The following UBE2J1 variants were observed in gnomAD, a reference collection of about 807,000 sequenced individuals.
UBE2J1 encodes ubiquitin-conjugating enzyme E2 J1.
UBE2J1 carries 17 observed loss-of-function variants against 42.1 expected under a neutral mutation model. The observed-to-expected ratio is 0.40, with a 90% CI of 0.28 to 0.61. UBE2J1 has a LOEUF of 0.61. Ranked by LOEUF, UBE2J1 falls within the 20% of genes least tolerant of loss-of-function variation. The pLI is 0.38. For missense variants in UBE2J1, 291 were observed against 389.4 expected (o/e 0.75, Z 2.13); for synonymous variants, 127 against 137.2 (o/e 0.93, Z 0.52).
intron 5 of UBE2J1, among the ~76,000 whole-genome samples, chr6:89,335,638 A>T (rs1768093825): frequency 6.6e-6 from 1 of 152,200 alleles, no homozygotes; most frequent in East Asian, 1.9e-4. Context: ...CTTTAAAAAA[A>T]TCCAGGGCTC....
chr6:89,327,766 T>C lies in UBE2J1; in HGVS notation c.*1913A>G, dbSNP rs1767935415. The stretch of plus-strand genomic sequence containing the variant: ...CATCGATCCAGAGGCTGGCTCAAGT[T>C]TGACTGAGGGGAAACGGAGGGAAGG... On this transcript the variant is annotated 3_prime_UTR_variant, in exon 8 of 8. Transcript: ENST00000435041. 6.6e-6 allele frequency: 1 copy of C among 152,162 alleles called. No individual in the cohort carries two copies. Among genetic ancestry groups the C allele is most frequent in the Middle Eastern group, 3.2e-3 (1 of 316 alleles). The allele number at this position is 152,162 out of a possible 1,614,324, so 9.4% of individuals were successfully genotyped here.
chr6:89,348,576 TG>T (rs769223403), intron 1 of UBE2J1, among the ~76,000 whole-genome samples: 3 of 152,156 alleles, frequency 2.0e-5, no homozygotes, highest in Non-Finnish European at 4.4e-5. Context: ...TACAGAGTGA[TG>T]TTTCTGCCCA....
intron 6 of UBE2J1, among the ~76,000 whole-genome samples, chr6:89,334,013 TA>T (rs1421918774): frequency 1.3e-5 from 2 of 152,222 alleles, no homozygotes; most frequent in African/African-American, 4.8e-5. Flanking sequence ...TATTTATTTA[TA>T]TTTTTTTGAG....
intron 3 of UBE2J1, among the ~76,000 whole-genome samples, chr6:89,341,499 G>A (rs1768245660): frequency 6.6e-6 from 1 of 152,192 alleles, no homozygotes; most frequent in South Asian, 2.1e-4. Context: ...CACTTTGGGA[G>A]GCTGAGATGG....
At chr6:89,333,494 T>G (rs1768048136) in intron 6 of UBE2J1, among the ~76,000 whole-genome samples, 1 of 152,180 alleles carries the variant, frequency 6.6e-6, no homozygotes, top group Middle Eastern at 3.2e-3. Context: ...ACTCAAGGTT[T>G]TTTTGGTAAT....
Position 89,348,586 on chromosome 6 carries a change from C to T in UBE2J1, c.31+3953G>A, listed in dbSNP as rs9451207. On this transcript the variant is annotated intron_variant, in intron 1 of 7. Coordinates refer to ENST00000435041, the MANE Select transcript of UBE2J1 (RefSeq NM_016021.3). Reference sequence around the variant, plus strand: ...ATGCCTACAGAGTGATGTTTCTGCCCAGGAGGACCCTGCAAATGTATCAGT... The same window carrying T: ...ATGCCTACAGAGTGATGTTTCTGCCTAGGAGGACCCTGCAAATGTATCAGT... Among the ~76,000 whole-genome samples the T allele has an allele frequency of 7.3e-3, 1,105 of 152,268 alleles. 16 individuals are homozygous for T. Among genetic ancestry groups the T allele is most frequent in the African/African-American group, 0.025 (1,049 of 41,548 alleles).
chr6:89,343,434 CAAAAAAAAAAAA>C (rs58981898), intron 2 of UBE2J1, among the ~76,000 whole-genome samples: 2 of 81,036 alleles, frequency 2.5e-5, no homozygotes, highest in Admixed American at 1.3e-4. Context: ...GACTCCGCCT[CAAAAAAAAAAAA>C]AAAAAAAAAA....
chr6:89,341,414 A>G (rs1768244275), intron 3 of UBE2J1, among the ~76,000 whole-genome samples: 1 of 152,178 alleles, frequency 6.6e-6, no homozygotes, highest in Non-Finnish European at 1.5e-5. Flanking sequence ...GAGAGAAGAA[A>G]AGCTTAACAA....
intron 7 of UBE2J1, among the ~76,000 whole-genome samples, chr6:89,330,235 C>G (rs1582477645): frequency 6.6e-6 from 1 of 152,122 alleles, no homozygotes; most frequent in East Asian, 1.9e-4. Flanking sequence ...TATTTTAACA[C>G]ATACGCTTAA....
chr6:89,343,945 T>G (rs1768309470), intron 1 of UBE2J1, among the ~76,000 whole-genome samples, 189 bp from the exon 2 acceptor site: 1 of 152,172 alleles, frequency 6.6e-6, no homozygotes, highest in Non-Finnish European at 1.5e-5. Context: ...GCATTAACAC[T>G]TTAAAAGAGT....
rs764981521 is a variant in UBE2J1 at position 89,329,837 on chromosome 6, T to C, written c.799A>G (p.Thr267Ala). The part of the protein sequence containing the change: ...AQQQSQRRLS[T>A]SPDVIQGHQP... ...TGGCCCTGGATTACATCTGGTGAAG[T>C]AGACAACCTTCTCTGACTCTGCTGC... The change falls in exon 8 of 8, where the codon ACT (threonine) becomes GCT (alanine). Residue 267 changes from threonine to alanine, a missense_variant. This residue lies in a region of UBE2J1 where 176 missense variants were observed against 196.3 expected (regional missense o/e 0.90). Coordinates refer to ENST00000435041, the MANE Select transcript of UBE2J1 (RefSeq NM_016021.3). 4.0e-5 allele frequency: 65 copies of C among 1,613,992 alleles called. 1 individual carries two copies. In the East Asian group the frequency reaches 6.7e-4, roughly 17 times the overall value.
intron 1 of UBE2J1, among the ~76,000 whole-genome samples, chr6:89,346,940 G>GT (rs1251269554): frequency 1.3e-5 from 2 of 152,156 alleles, no homozygotes; most frequent in African/African-American, 4.8e-5. Context: ...TTAGCACATG[G>GT]TAAGTACTCA....
At chr6:89,342,188 G>A (rs1486618708) in intron 3 of UBE2J1, 136 bp downstream of exon 3, 2 of 791,094 alleles carry the variant, frequency 2.5e-6, no homozygotes. Flanking sequence ...GAAAAAAATT[G>A]TAGTCCCAGG....
intron 3 of UBE2J1, among the ~76,000 whole-genome samples, chr6:89,340,421 C>T (rs1349839584): frequency 6.6e-6 from 1 of 152,180 alleles, no homozygotes; most frequent in African/African-American, 2.4e-5. Flanking sequence ...TAGCTCTCCC[C>T]ATGATCTAGC....
Position 89,342,339 on chromosome 6 carries a change from G to C in UBE2J1, c.222C>G (p.Ser74Arg), listed in dbSNP as rs1296715391. Residue 74 changes from serine to arginine, a missense_variant, in exon 3 of 8, where the codon AGC (serine) becomes AGG (arginine). Ser to Arg is a moderately radical substitution (Grantham distance 110, BLOSUM62 -1). Around this residue, in one of 2 missense-constraint regions of UBE2J1, gnomAD observed 115 missense variants for 193.1 expected, o/e 0.60. Coordinates refer to ENST00000435041, the MANE Select transcript of UBE2J1 (RefSeq NM_016021.3). ...AAATTCTTACCGTTAGGAGAATAAT[G>C]CTTGGTGGTTTCATGGGATACTCTG... is the stretch of plus-strand genomic sequence containing the variant. ...LPPEYPMKPP[S>R]IILLTANGRF... 3.1e-6 allele frequency: 5 copies of C among 1,614,014 alleles called. No homozygotes were observed. The highest frequency in any genetic ancestry group is 3.4e-6 in the Non-Finnish European group (4 of 1,179,982).
At chr6:89,346,643 G>A (rs1768370042) in intron 1 of UBE2J1, among the ~76,000 whole-genome samples, 1 of 150,702 alleles carries the variant, frequency 6.6e-6, no homozygotes, top group South Asian at 2.1e-4. Flanking sequence ...GTTGCCCCCT[G>A]CCCCCCACCC....
At chr6:89,346,156 C>T (rs948991465) in intron 1 of UBE2J1, among the ~76,000 whole-genome samples, 4 of 152,010 alleles carry the variant, frequency 2.6e-5, no homozygotes, top group South Asian at 2.1e-4. Flanking sequence ...AGATTACAGG[C>T]GGGAATCAGC....
rs1440157106 is a variant in UBE2J1 at position 89,338,250 on chromosome 6, C to G, written c.383G>C (p.Gly128Ala). The G allele has an allele frequency of 1.2e-6, 2 of 1,613,618 alleles. No individual in the cohort carries two copies. The highest frequency in any genetic ancestry group is 4.5e-5 in the East Asian group (2 of 44,840). ...FMPTKGEGAI[G>A]SLDYTPEERR... ...TTCCTCAGGAGTGTAATCTAGAGAA[C>G]CTATGGCTCCCTCTCCTTTTGTTGG... The change falls in exon 5 of 8, where the codon GGT (glycine) becomes GCT (alanine). Residue 128 changes from glycine (G) to alanine (A), a missense_variant. By Grantham distance (60) the Gly-to-Ala change is moderately conservative. Transcript: ENST00000435041.
chr6:89,329,745 T>G lies in UBE2J1; in HGVS notation c.891A>C (p.Ala297=). The change falls in exon 8 of 8, where the codon GCA becomes GCC. Residue 297 remains alanine (A), a synonymous_variant. Coordinates refer to ENST00000435041, the MANE Select transcript of UBE2J1 (RefSeq NM_016021.3). ...TTCGTCGGAATATAAGAGCTGCCAA[T>G]GCCAAAGTCAGGATGACAATCAGTA... is the stretch of plus-strand genomic sequence containing the variant. ...SAVLIVILTL[A]LAALIFRRIY... The G allele has an allele frequency of 6.2e-7, 1 of 1,614,152 alleles. No homozygotes were observed. Among genetic ancestry groups the G allele is most frequent in the African/African-American group, 1.3e-5 (1 of 75,052 alleles).
Sources: gnomAD v4.1 joint callset for allele counts (sites outside exome capture counted in the v4.1 genomes callset) on GRCh38, gnomAD v4.1.1 for gene constraint, gnomAD v4.1.1 regional missense constraint, MANE v1.5 for transcripts, NCBI Gene and HGNC (gene_info 2026-07-23, HGNC 2026-07-21) for gene names.